GRID2: variants seen among roughly 807,000 people sequenced by gnomAD.
GRID2 encodes glutamate ionotropic receptor delta type subunit 2.
A neutral mutation model predicts 114.8 loss-of-function variants in GRID2; 33 were observed. The ratio of observed to expected loss-of-function variants is 0.29; its 90% CI spans 0.22 to 0.38. GRID2 has a LOEUF of 0.38. GRID2 is among the 10% of genes least tolerant of loss of function. GRID2 has a pLI of 1.00. For synonymous variants in GRID2, 505 were observed against 449.9 expected, an observed-to-expected ratio of 1.12 and a Z score of -1.55; for missense variants, 1,184 against 1,257.7, an observed-to-expected ratio of 0.94 and a Z score of 0.89.
intron 14 of GRID2, among the ~76,000 whole-genome samples, chr4:93,651,059 A>G (rs577583432): frequency 6.6e-6 from 1 of 152,308 alleles, no homozygotes; most frequent in South Asian, 2.1e-4. Flanking sequence ...TTCTCTGAAA[A>G]CTGGCTACCT....
chr4:92,973,717 A>G (rs1352476313), intron 2 of GRID2, among the ~76,000 whole-genome samples: 1 of 152,198 alleles, frequency 6.6e-6, no homozygotes, highest in Non-Finnish European at 1.5e-5. Flanking sequence ...TTACTTCTTT[A>G]TATTTAGCAA....
chr4:92,653,133 G>T (rs1314167389), intron 2 of GRID2, among the ~76,000 whole-genome samples: 1 of 150,044 alleles, frequency 6.7e-6, no homozygotes, highest in Non-Finnish European at 1.5e-5. Context: ...AAGTAGCTGG[G>T]ATTACAGGCA....
At chr4:92,626,107 ATAAG>A in intron 2 of GRID2, among the ~76,000 whole-genome samples, 1 of 152,120 alleles carries the variant, frequency 6.6e-6, no homozygotes, top group Admixed American at 6.6e-5. Flanking sequence ...TTTCAGCAAA[ATAAG>A]TAACTCAATC....
chr4:92,486,829 C>T (rs547942618), intron 1 of GRID2, among the ~76,000 whole-genome samples: 2 of 152,010 alleles, frequency 1.3e-5, no homozygotes, highest in Non-Finnish European at 2.9e-5. Flanking sequence ...TGAACAGATG[C>T]TTAACATCTC....
intron 1 of GRID2, among the ~76,000 whole-genome samples, chr4:92,519,261 A>G (rs1724656385): frequency 6.6e-6 from 1 of 151,894 alleles, no homozygotes; most frequent in African/African-American, 2.4e-5. Context: ...ACTAAAGAAA[A>G]AAGTCATTTA....
intron 2 of GRID2, among the ~76,000 whole-genome samples, chr4:92,625,267 TACTC>T (rs1244421624): frequency 2.6e-5 from 4 of 151,796 alleles, no homozygotes. Flanking sequence ...AATTTCATGA[TACTC>T]AAGAAATAAT....
At position 93,239,242 on chromosome 4, in the gene GRID2, G is replaced by C. The variant is rs1747182871; in HGVS notation, c.1245+752G>C. ...CACACACACACATATAGATATATTT[G>C]GTAGGGAAATAAATCATATATATAT... is the stretch of plus-strand genomic sequence containing the variant. On this transcript the variant is annotated intron_variant, in intron 8 of 15. Transcript: ENST00000282020. Among the ~76,000 whole-genome samples, 4 of 146,566 alleles carry C rather than the reference G, an allele frequency of 2.7e-5. No individual in the cohort carries two copies. The Admixed American group carries it at 2.8e-4, about 10-fold the overall frequency.
intron 14 of GRID2, among the ~76,000 whole-genome samples, chr4:93,722,716 C>T (rs1174360890): frequency 2.0e-5 from 3 of 152,204 alleles, no homozygotes; most frequent in Non-Finnish European, 4.4e-5. Flanking sequence ...TCCTGCTCTC[C>T]ATCTCCACTG....
At chr4:93,740,403 GT>G (rs1232612417) in intron 14 of GRID2, among the ~76,000 whole-genome samples, 2 of 152,186 alleles carry the variant, frequency 1.3e-5, no homozygotes, top group Non-Finnish European at 2.9e-5. Flanking sequence ...ACCCTGGGTA[GT>G]TTTTGGGAAC....
intron 1 of GRID2, among the ~76,000 whole-genome samples, chr4:92,558,950 T>C (rs926902978): frequency 2.0e-5 from 3 of 152,166 alleles, no homozygotes; most frequent in African/African-American, 7.2e-5. Context: ...AGTCAAACCT[T>C]TAATAAATTT....
intron 14 of GRID2, among the ~76,000 whole-genome samples, chr4:93,733,146 A>G (rs952580280): frequency 1.3e-5 from 2 of 152,076 alleles, no homozygotes; most frequent in African/African-American, 4.8e-5. Flanking sequence ...TAAAATGCTT[A>G]TTTTAGGTTT....
chr4:93,282,191 A>G (rs1413175862), intron 8 of GRID2, among the ~76,000 whole-genome samples: 1 of 152,062 alleles, frequency 6.6e-6, no homozygotes, highest in Non-Finnish European at 1.5e-5. Flanking sequence ...GAGAAAATTC[A>G]TGTTCATTTC....
chr4:92,351,255 C>G (rs1259951077), intron 1 of GRID2, among the ~76,000 whole-genome samples: 2 of 151,764 alleles, frequency 1.3e-5, no homozygotes, highest in Admixed American at 1.3e-4. Flanking sequence ...GTGCCAAACT[C>G]TTTTCCAAAA....
intron 1 of GRID2, among the ~76,000 whole-genome samples, chr4:92,507,050 CTT>C (rs1017686897): frequency 1.5e-4 from 23 of 151,972 alleles, no homozygotes; most frequent in African/African-American, 5.3e-4. Flanking sequence ...CTGCAAATCT[CTT>C]TGAAAAAAAG....
chr4:93,560,327 A>G (rs540764414), intron 13 of GRID2, among the ~76,000 whole-genome samples: 1 of 151,560 alleles, frequency 6.6e-6, no homozygotes, highest in Non-Finnish European at 1.5e-5. Context: ...TGCAGGCTAT[A>G]CAAACATGGC....
intron 2 of GRID2, among the ~76,000 whole-genome samples, chr4:92,669,705 G>GTT (rs1553914742): frequency 6.6e-6 from 1 of 151,950 alleles, no homozygotes; most frequent in Non-Finnish European, 1.5e-5. Flanking sequence ...TTGAATAAAG[G>GTT]CAGCTATCAA....
chr4:93,271,770 T>G (rs1751494276), intron 8 of GRID2, among the ~76,000 whole-genome samples: 1 of 152,176 alleles, frequency 6.6e-6, no homozygotes, highest in African/African-American at 2.4e-5. Flanking sequence ...AAAATATGAT[T>G]ATTTTTATTG....
chr4:93,559,589 GA>G (rs1734684547), intron 13 of GRID2, among the ~76,000 whole-genome samples: 1 of 152,200 alleles, frequency 6.6e-6, no homozygotes, highest in Admixed American at 6.5e-5. Context: ...ACAGATGCGG[GA>G]GAGGATGTGG....
chr4:93,290,632 G>T (rs555455816), intron 8 of GRID2, among the ~76,000 whole-genome samples: 4 of 151,908 alleles, frequency 2.6e-5, no homozygotes, highest in Non-Finnish European at 5.9e-5. Context: ...ACATAAATGA[G>T]ATTAAATATT....
Sources: gnomAD v4.1 joint callset for allele counts (sites outside exome capture counted in the v4.1 genomes callset) on GRCh38, gnomAD v4.1.1 for gene constraint, MANE v1.5 for transcripts, NCBI Gene and HGNC (gene_info 2026-07-23, HGNC 2026-07-21) for gene names.